Variants in NRG3 observed in about 807,000 individuals in gnomAD.
NRG3 encodes pro-neuregulin-3, membrane-bound isoform.
NRG3 carries 31 observed loss-of-function variants against 66.9 expected under a neutral mutation model. The ratio of observed to expected loss-of-function variants is 0.46; its 90% confidence interval spans 0.35 to 0.63. The LOEUF is 0.63. Ranked by LOEUF, NRG3 falls within the 20% of genes least tolerant of loss-of-function variation. The probability of loss-of-function intolerance (pLI) is 0.00; values close to 1 mark genes in which losing one functional copy is unlikely to be tolerated. For synonymous variants in NRG3, 393 were observed against 359.4 expected (o/e 1.09, Z -1.06); for missense variants, 910 against 878.9 (o/e 1.04, Z -0.45).
intron 2 of NRG3, among the ~76,000 whole-genome samples, chr10:82,620,696 A>G (rs1164180776): frequency 6.6e-6 from 1 of 152,148 alleles, no homozygotes; most frequent in Non-Finnish European, 1.5e-5. Flanking sequence ...GAATGGGCAA[A>G]CAGGGATAGA....
intron 1 of NRG3, among the ~76,000 whole-genome samples, chr10:82,200,925 C>T (rs961218326): frequency 1.3e-5 from 2 of 152,020 alleles, no homozygotes; most frequent in African/African-American, 4.8e-5. Flanking sequence ...GGGCCGGGCA[C>T]GTTGGCTCAC....
intron 8 of NRG3, among the ~76,000 whole-genome samples, chr10:82,980,054 A>C (rs1852689608): frequency 6.6e-6 from 1 of 151,888 alleles, no homozygotes. Context: ...AAATACAAAA[A>C]ATTAGCTGGG....
intron 2 of NRG3, among the ~76,000 whole-genome samples, chr10:82,698,024 G>A (rs2055534666): frequency 6.6e-6 from 1 of 152,038 alleles, no homozygotes; most frequent in Admixed American, 6.6e-5. Context: ...ATTTATCAAG[G>A]CAACCCATTT....
At chr10:82,190,844 C>T (rs1377233946) in intron 1 of NRG3, among the ~76,000 whole-genome samples, 1 of 152,138 alleles carries the variant, frequency 6.6e-6, no homozygotes, top group Non-Finnish European at 1.5e-5. Flanking sequence ...TGCATTCCTC[C>T]GTATCTGTTT....
intron 1 of NRG3, among the ~76,000 whole-genome samples, chr10:82,045,429 G>T (rs2063235071): frequency 2.2e-5 from 2 of 90,458 alleles, no homozygotes; most frequent in South Asian, 1.3e-3. Context: ...TTTTTTTCTT[G>T]TAAATTTGTT....
chr10:82,288,392 G>A (rs562080023), intron 1 of NRG3, among the ~76,000 whole-genome samples: 1 of 152,278 alleles, frequency 6.6e-6, no homozygotes, highest in African/African-American at 2.4e-5. Flanking sequence ...AGGGCGCAAA[G>A]CTCAGAGGTG....
chr10:82,115,896 C>T (rs1229493861), intron 1 of NRG3, among the ~76,000 whole-genome samples: 1 of 152,084 alleles, frequency 6.6e-6, no homozygotes, highest in Non-Finnish European at 1.5e-5. Flanking sequence ...ATCCAACTCT[C>T]CTACATGGAT....
intron 1 of NRG3, among the ~76,000 whole-genome samples, chr10:82,329,552 G>A (rs2082042963): frequency 6.6e-6 from 1 of 151,360 alleles, no homozygotes; most frequent in Non-Finnish European, 1.5e-5. Flanking sequence ...AGGGGTTATA[G>A]AGCACACAAC....
At chr10:82,693,404 C>G (rs1485003531) in intron 2 of NRG3, among the ~76,000 whole-genome samples, 3 of 152,078 alleles carry the variant, frequency 2.0e-5, no homozygotes, top group African/African-American at 4.8e-5. Context: ...TCCAACAATA[C>G]TAGATTTTAT....
intron 1 of NRG3, among the ~76,000 whole-genome samples, chr10:82,035,090 C>T (rs986767144): frequency 6.6e-6 from 1 of 152,048 alleles, no homozygotes; most frequent in Non-Finnish European, 1.5e-5. Context: ...CCAAGCTGCC[C>T]TGTAGTTCGA....
chr10:82,338,780 A>T (rs1382745158), intron 1 of NRG3, among the ~76,000 whole-genome samples: 1 of 152,166 alleles, frequency 6.6e-6, no homozygotes, highest in Non-Finnish European at 1.5e-5. Context: ...CCCATGAATT[A>T]TATGCTTTCA....
chr10:82,224,974 T>C (rs1216541958), intron 1 of NRG3, among the ~76,000 whole-genome samples: 2 of 151,884 alleles, frequency 1.3e-5, no homozygotes, highest in Non-Finnish European at 2.9e-5. Context: ...ATTATTTTAA[T>C]AGTAAAATTA....
At chr10:82,857,302 G>A (rs904173897) in intron 3 of NRG3, among the ~76,000 whole-genome samples, 3 of 152,188 alleles carry the variant, frequency 2.0e-5, no homozygotes, top group Non-Finnish European at 4.4e-5. Flanking sequence ...TTAAATTCAG[G>A]TATCAGCAGT....
In NRG3 at chr10:82,148,196, T is replaced by A. The variant is rs2070402848; in HGVS notation, c.824-210543T>A. On this transcript the variant is annotated intron_variant, in intron 1 of 8. Transcript: ENST00000372141. ...CTAATCAAAAACTTCTTTGAGTCAA[T>A]CCAGTTTAAAATATCACTGATTGCG... Among the ~76,000 whole-genome samples, 5 of 152,016 alleles carry A rather than the reference T, an allele frequency of 3.3e-5. No individual in the cohort carries two copies. In the South Asian group the frequency reaches 1.0e-3, roughly 32 times the overall value.
chr10:82,910,349 C>G (rs1369819690), intron 4 of NRG3, among the ~76,000 whole-genome samples: 2 of 152,172 alleles, frequency 1.3e-5, no homozygotes, highest in South Asian at 2.1e-4. Flanking sequence ...CTGACTACAG[C>G]TAATGAACAG....
chr10:82,028,936 C>T (rs115002927), intron 1 of NRG3, among the ~76,000 whole-genome samples: 7 of 152,142 alleles, frequency 4.6e-5, no homozygotes, highest in African/African-American at 9.6e-5. Flanking sequence ...TGTCCAGGTG[C>T]GGTGGCTCAC....
At chr10:82,334,164 A>G (rs2082275929) in intron 1 of NRG3, among the ~76,000 whole-genome samples, 1 of 151,930 alleles carries the variant, frequency 6.6e-6, no homozygotes, top group South Asian at 2.1e-4. Context: ...AAGAAAAGAA[A>G]AAGGGATGGG....
intron 2 of NRG3, among the ~76,000 whole-genome samples, chr10:82,649,605 C>A (rs1429244195): frequency 6.6e-6 from 1 of 151,662 alleles, no homozygotes; most frequent in Non-Finnish European, 1.5e-5. Context: ...AGGCACACAC[C>A]ACCACGCCCG....
intron 2 of NRG3, among the ~76,000 whole-genome samples, chr10:82,648,326 AT>A (rs2051125832): frequency 6.6e-6 from 1 of 151,622 alleles, no homozygotes; most frequent in African/African-American, 2.4e-5. Flanking sequence ...GATATGCGGC[AT>A]TATTTCTGAG....
Sources: allele counts gnomAD v4.1 joint callset (sites outside exome capture counted in the v4.1 genomes callset), GRCh38; gene constraint gnomAD v4.1.1; transcripts MANE v1.5; gene names NCBI Gene and HGNC (gene_info 2026-07-23, HGNC 2026-07-21).